KIAA1671: variants seen among roughly 807,000 people sequenced by gnomAD.
The protein encoded by KIAA1671 is uncharacterized protein KIAA1671.
A neutral mutation model predicts 131.2 loss-of-function variants in KIAA1671; 52 were observed. The observed-to-expected ratio is 0.40, with a 90% CI of 0.32 to 0.50. The LOEUF is 0.50. KIAA1671 is among the 20% of genes least tolerant of loss of function. The probability of loss-of-function intolerance (pLI) is 0.73; values close to 1 mark genes in which losing one functional copy is unlikely to be tolerated. For synonymous variants in KIAA1671, 1,003 were observed against 961.6 expected (o/e 1.04, Z -0.80); for missense variants, 2,360 against 2,364.2 (o/e 1.00, Z 0.04).
intron 1 of KIAA1671, among the ~76,000 whole-genome samples, chr22:24,957,087 C>A (rs1224041259): frequency 1.3e-5 from 2 of 152,112 alleles, no homozygotes; most frequent in African/African-American, 4.8e-5. Context: ...TGCTAGGCCC[C>A]GTGTCTATGC....
intron 1 of KIAA1671, among the ~76,000 whole-genome samples, chr22:24,992,805 ACTCCGTCTC>A: frequency 1.1e-5 from 1 of 88,104 alleles, no homozygotes; most frequent in South Asian, 4.4e-4. Context: ...ACAGAGCGAG[ACTCCGTCTC>A]AAAAAAAAAA....
chr22:24,971,270 A>G (rs542087790), intron 1 of KIAA1671, among the ~76,000 whole-genome samples: 101 of 152,290 alleles, frequency 6.6e-4, no homozygotes, highest in Admixed American at 1.0e-3. Context: ...GCTGTCATTG[A>G]TACTACTATC....
rs181391352 is a variant in KIAA1671 at position 25,101,497 on chromosome 22, T to C, written c.4530+52133T>C. 1.5e-3 allele frequency among the ~76,000 whole-genome samples: 225 copies of C among 152,280 alleles called. 4 individuals carry two copies. In the South Asian group the frequency reaches 0.033, roughly 22 times the overall value. ...TTCCTTGCTAGATGATTTTTATTGA[T>C]TGATTGATTGATTGATTGCTCATCC... On this transcript the variant is annotated intron_variant, in intron 6 of 12. Transcript: ENST00000358431.
intron 6 of KIAA1671, among the ~76,000 whole-genome samples, chr22:25,079,146 A>T (rs1929263579): frequency 6.6e-6 from 1 of 152,134 alleles, no homozygotes; most frequent in Non-Finnish European, 1.5e-5. Context: ...TCCTCAGTTC[A>T]GTTCAGTTGC....
At chr22:24,969,011 C>A (rs1291722044) in intron 1 of KIAA1671, among the ~76,000 whole-genome samples, 1 of 152,060 alleles carries the variant, frequency 6.6e-6, no homozygotes, top group Non-Finnish European at 1.5e-5. Context: ...GCGATTCTCC[C>A]ACGTCAACCT....
chr22:25,121,228 C>T (rs533709079), intron 6 of KIAA1671, among the ~76,000 whole-genome samples: 2 of 151,884 alleles, frequency 1.3e-5, no homozygotes, highest in Admixed American at 6.6e-5. Flanking sequence ...TTTGGGAGGC[C>T]GAGGCGGGCG....
chr22:25,017,791 A>G (rs1358639356), intron 1 of KIAA1671, among the ~76,000 whole-genome samples: 1 of 152,162 alleles, frequency 6.6e-6, no homozygotes, highest in African/African-American at 2.4e-5. Flanking sequence ...CTCCTAAGCC[A>G]GGGCTTCTTA....
At chr22:25,031,022 T>A (rs1469906868) in intron 3 of KIAA1671, among the ~76,000 whole-genome samples, 2 of 152,056 alleles carry the variant, frequency 1.3e-5, no homozygotes, top group Non-Finnish European at 2.9e-5. Flanking sequence ...ATTTTGGTAG[T>A]TTTTATTTTA....
intron 2 of KIAA1671, 37 bp from the exon 3 acceptor site, chr22:25,027,908 T>G: frequency 9.4e-7 from 1 of 1,059,860 alleles, no homozygotes; most frequent in East Asian, 2.7e-5. Context: ...ACTGACTGTT[T>G]TCCAAATTTA....
chr22:25,128,271 C>T (rs1932274254), intron 6 of KIAA1671, among the ~76,000 whole-genome samples: 1 of 152,116 alleles, frequency 6.6e-6, no homozygotes. Flanking sequence ...AAGGACCAAT[C>T]CCTTAATGTT....
chr22:25,088,218 G>A (rs1395894269), intron 6 of KIAA1671, among the ~76,000 whole-genome samples: 9 of 151,362 alleles, frequency 5.9e-5, no homozygotes, highest in Non-Finnish European at 8.8e-5. Context: ...AGCGATCCTC[G>A]TGCCTCAGCC....
chr22:25,028,279 T>G lies in KIAA1671; in HGVS notation c.280T>G (p.Ser94Ala), dbSNP rs1382749793. 5.3e-5 allele frequency: 82 copies of G among 1,551,196 alleles called. No individual in the cohort carries two copies. The highest frequency in any genetic ancestry group is 7.1e-5 in the Non-Finnish European group (81 of 1,146,984). The part of the protein sequence containing the change: ...LRPSSTGPSP[S>A]GGLSEEPAAK... ...GCCCAGTTCGACTGGACCTTCCCCC[T>G]CTGGGGGGCTCTCTGAGGAGCCAGC... Residue 94 changes from serine (S) to alanine (A), a missense_variant, in exon 3 of 13, where the codon TCT (serine) becomes GCT (alanine). Ser to Ala is a moderately conservative substitution (Grantham distance 99). Coordinates refer to ENST00000358431, the MANE Select transcript of KIAA1671 (RefSeq NM_001145206.2).
chr22:25,184,884 T>C, intron 10 of KIAA1671, 93 bp from the exon 11 acceptor site: 1 of 1,475,046 alleles, frequency 6.8e-7, no homozygotes, highest in South Asian at 1.2e-5. Context: ...CCCGAGTGTT[T>C]GCAGAAGGCT....
intron 6 of KIAA1671, among the ~76,000 whole-genome samples, chr22:25,076,405 C>T (rs1929110665): frequency 6.6e-6 from 1 of 152,178 alleles, no homozygotes; most frequent in African/African-American, 2.4e-5. Context: ...TGGGCTGCAA[C>T]AGGTTTTCTG....
intron 6 of KIAA1671, among the ~76,000 whole-genome samples, chr22:25,103,286 C>G (rs1453294881): frequency 6.6e-6 from 1 of 151,630 alleles, no homozygotes; most frequent in African/African-American, 2.4e-5. Context: ...TCTCAGCTCA[C>G]TGCAACCTCT....
At chr22:25,087,697 A>T (rs890294068) in intron 6 of KIAA1671, among the ~76,000 whole-genome samples, 5 of 152,170 alleles carry the variant, frequency 3.3e-5, no homozygotes, top group Non-Finnish European at 5.9e-5. Context: ...TGAGGTGGGG[A>T]TTTGTGTGGA....
intron 5 of KIAA1671, among the ~76,000 whole-genome samples, chr22:25,043,987 A>G (rs1927083956): frequency 6.7e-6 from 1 of 149,678 alleles, no homozygotes; most frequent in African/African-American, 2.5e-5. Flanking sequence ...TGGATGCTGC[A>G]GAAAGGAAAC....
chr22:25,184,847 G>C, intron 10 of KIAA1671, 130 bp from the exon 11 acceptor site: 3 of 974,068 alleles, frequency 3.1e-6, no homozygotes, highest in Middle Eastern at 3.2e-4. Context: ...CATGTTTCCT[G>C]TCTGGGTTTA....
chr22:24,989,527 C>T (rs115265057), intron 1 of KIAA1671, among the ~76,000 whole-genome samples: 20 of 152,288 alleles, frequency 1.3e-4, no homozygotes, highest in African/African-American at 4.6e-4. Flanking sequence ...AACAAGGGAG[C>T]TAGGGCTGCA....
Sources: gnomAD v4.1 joint callset for allele counts (sites outside exome capture counted in the v4.1 genomes callset) on GRCh38, gnomAD v4.1.1 for gene constraint, MANE v1.5 for transcripts, NCBI Gene and HGNC (gene_info 2026-07-23, HGNC 2026-07-21) for gene names.